TTC39C: variants seen among roughly 807,000 people sequenced by gnomAD.
The protein encoded by TTC39C is tetratricopeptide repeat protein 39C.
A neutral mutation model predicts 76.3 loss-of-function variants in TTC39C; 33 were observed. The observed-to-expected ratio is 0.43, with a 90% CI of 0.33 to 0.58. The LOEUF (loss-of-function observed/expected upper bound fraction) is 0.58. Ranked by LOEUF, TTC39C falls within the 20% of genes least tolerant of loss-of-function variation. The pLI is 0.04. For missense variants in TTC39C, 595 were observed against 701.4 expected (o/e 0.85, Z 1.71); for synonymous variants, 254 against 260.6 (o/e 0.97, Z 0.24).
At chr18:24,052,711 C>T (rs1568420060) in intron 1 of TTC39C, among the ~76,000 whole-genome samples, 1 of 152,126 alleles carries the variant, frequency 6.6e-6, no homozygotes, top group African/African-American at 2.4e-5. Flanking sequence ...AGTTATTTGG[C>T]TTGGAAGGAG....
In TTC39C at chr18:24,018,751, C is replaced by T. The variant is rs934827665; in HGVS notation, c.167+3713C>T. ...AATGTGAGAGGTGGTGAGGTTTAAA[C>T]GGAAACCTAGGAGAGGAAACAGCGG... is the stretch of plus-strand genomic sequence containing the variant. On this transcript the variant is annotated intron_variant, in intron 1 of 13. Transcript: ENST00000317571. Among the ~76,000 whole-genome samples, 15 of 152,102 alleles carry T rather than the reference C, an allele frequency of 9.9e-5. 1 individual carries two copies. In the South Asian group the frequency reaches 1.0e-3, roughly 11 times the overall value.
chr18:24,116,415 C>T (rs905090913), intron 7 of TTC39C, among the ~76,000 whole-genome samples: 5 of 152,076 alleles, frequency 3.3e-5, no homozygotes, highest in East Asian at 1.9e-4. Context: ...TGGTAGTGGG[C>T]GCCTATAATC....
chr18:24,058,266 C>T (rs2084042478), intron 1 of TTC39C, among the ~76,000 whole-genome samples: 1 of 152,128 alleles, frequency 6.6e-6, no homozygotes, highest in South Asian at 2.1e-4. Context: ...CTGTGACACA[C>T]AATTTACCTA....
At chr18:24,126,483 A>G (rs1047456513) in intron 10 of TTC39C, among the ~76,000 whole-genome samples, 1 of 151,004 alleles carries the variant, frequency 6.6e-6, no homozygotes, top group African/African-American at 2.4e-5. Context: ...AACATTGCCA[A>G]TTGCCAATGT....
chr18:24,066,095 A>G lies in TTC39C; in HGVS notation c.300A>G (p.Glu100=), dbSNP rs138298971. The G allele has an allele frequency of 1.5e-5, 24 of 1,600,802 alleles. No homozygotes were observed. The African/African-American group carries it at 2.8e-4, about 19-fold the overall frequency. The change falls in exon 3 of 14, where the codon GAA becomes GAG. Residue 100 remains glutamate (E), a synonymous_variant. Coordinates refer to ENST00000317571, the MANE Select transcript of TTC39C (RefSeq NM_001135993.2). The stretch of plus-strand genomic sequence containing the variant: ...CCACAGAAAAACTGTGTGAAAGTGA[A>G]GAGGCTGGAGTAATTGAAACAATCA... ...LKTTEKLCES[E]EAGVIETIKN...
intron 1 of TTC39C, among the ~76,000 whole-genome samples, chr18:23,996,648 G>C (rs2083263510): frequency 6.6e-6 from 1 of 152,196 alleles, no homozygotes; most frequent in Admixed American, 6.5e-5. Flanking sequence ...TGATTCCCCA[G>C]TCCCAAGCCC....
intron 1 of TTC39C, among the ~76,000 whole-genome samples, chr18:24,026,383 T>G (rs771486621): frequency 3.9e-5 from 6 of 152,214 alleles, no homozygotes; most frequent in Non-Finnish European, 8.8e-5. Flanking sequence ...CACAGTTGCC[T>G]CAAAGTTCCA....
intron 6 of TTC39C, among the ~76,000 whole-genome samples, chr18:24,101,372 C>T (rs540338331): frequency 1.7e-3 from 251 of 150,936 alleles, no homozygotes; most frequent in African/African-American, 5.9e-3. Flanking sequence ...CTTTGGGAGG[C>T]CAAGGCGGGC....
intron 1 of TTC39C, among the ~76,000 whole-genome samples, chr18:24,063,439 TAGA>T (rs1436771290): frequency 6.6e-6 from 1 of 152,134 alleles, no homozygotes; most frequent in Non-Finnish European, 1.5e-5. Flanking sequence ...CTGGTAACTG[TAGA>T]AGATTATTTT....
chr18:24,026,223 TC>T (rs1394453048), intron 1 of TTC39C, among the ~76,000 whole-genome samples: 1 of 152,206 alleles, frequency 6.6e-6, no homozygotes, highest in African/African-American at 2.4e-5. Flanking sequence ...ACCCAACTCT[TC>T]CTAACTTTGA....
At chr18:24,111,092 G>A (rs2084803140) in intron 6 of TTC39C, among the ~76,000 whole-genome samples, 1 of 151,902 alleles carries the variant, frequency 6.6e-6, no homozygotes. Context: ...TCGGGTTCAA[G>A]TGATTCTCCT....
At chr18:24,108,002 T>G (rs1354030003) in intron 6 of TTC39C, among the ~76,000 whole-genome samples, 2 of 152,198 alleles carry the variant, frequency 1.3e-5, no homozygotes, top group African/African-American at 4.8e-5. Flanking sequence ...TACTAGTTGC[T>G]TAAAACATCT....
At chr18:24,068,058 A>G (rs759198109) in intron 3 of TTC39C, among the ~76,000 whole-genome samples, 5 of 152,214 alleles carry the variant, frequency 3.3e-5, no homozygotes, top group Non-Finnish European at 5.9e-5. Flanking sequence ...TCTACAGTGC[A>G]TAGTAATATG....
At chr18:24,023,020 C>A (rs773730787) in intron 1 of TTC39C, among the ~76,000 whole-genome samples, 15 of 152,170 alleles carry the variant, frequency 9.9e-5, no homozygotes, top group Non-Finnish European at 1.8e-4. Context: ...TTGGGTAATA[C>A]CTGGACATCC....
At chr18:24,043,237 C>T (rs1453241723) in intron 1 of TTC39C, among the ~76,000 whole-genome samples, 2 of 152,046 alleles carry the variant, frequency 1.3e-5, no homozygotes, top group African/African-American at 2.4e-5. Context: ...GGGTATGTGT[C>T]TGTAGTCCCA....
intron 9 of TTC39C, among the ~76,000 whole-genome samples, chr18:24,124,640 GT>G (rs1246786567): frequency 6.6e-6 from 1 of 152,136 alleles, no homozygotes; most frequent in Non-Finnish European, 1.5e-5. Context: ...AGTTTTATAT[GT>G]TTTTATTGAA....
intron 1 of TTC39C, among the ~76,000 whole-genome samples, chr18:24,015,783 T>A (rs1433230507): frequency 6.6e-6 from 1 of 152,254 alleles, no homozygotes; most frequent in East Asian, 1.9e-4. Context: ...TCAGTTAATT[T>A]TTTATTTGTC....
Position 24,133,813 on chromosome 18 carries a change from G to A in TTC39C, c.*1239G>A, listed in dbSNP as rs970091628. The stretch of plus-strand genomic sequence containing the variant: ...TGCCATAATTTGGCTCAATGTTTAA[G>A]GTTAGATTTTTAAAGAAATTTTTAT... On this transcript the variant is annotated 3_prime_UTR_variant, in exon 14 of 14. Transcript: ENST00000317571. 1 of 152,040 alleles carries A rather than the reference G, an allele frequency of 6.6e-6. No homozygotes were observed. The highest frequency in any genetic ancestry group is 1.5e-5 in the Non-Finnish European group (1 of 68,008). 9.4% of individuals were successfully genotyped at this position (152,040 alleles called of 1,614,324 possible). A position where few individuals can be genotyped will look rare whatever the true frequency, so the allele number is the denominator to read the frequency against.
At chr18:24,056,419 A>G (rs116254090) in intron 1 of TTC39C, among the ~76,000 whole-genome samples, 3 of 152,192 alleles carry the variant, frequency 2.0e-5, no homozygotes, top group African/African-American at 7.2e-5. Flanking sequence ...AAAATGAAAG[A>G]CAAAAAAATT....
Sources: allele counts gnomAD v4.1 joint callset (sites outside exome capture counted in the v4.1 genomes callset), GRCh38; gene constraint gnomAD v4.1.1; transcripts MANE v1.5; gene names NCBI Gene and HGNC (gene_info 2026-07-23, HGNC 2026-07-21).